CCND3: variants seen among roughly 807,000 people sequenced by gnomAD.
CCND3 encodes G1/S-specific cyclin-D3.
Under a neutral mutation model 28.7 loss-of-function variants are expected in CCND3, and 9 were observed. The ratio of observed to expected loss-of-function variants is 0.31; its 90% CI spans 0.19 to 0.55. The LOEUF is 0.55. CCND3 is among the 20% of genes least tolerant of loss of function. CCND3 has a pLI of 0.93. For synonymous variants in CCND3, 164 were observed against 163.9 expected (o/e 1.00, Z 0.00); for missense variants, 315 against 385.8 (o/e 0.82, Z 1.54).
At chr6:41,990,813 T>TGG (rs1260929045) in intron 1 of CCND3, among the ~76,000 whole-genome samples, 1 of 151,856 alleles carries the variant, frequency 6.6e-6, no homozygotes, top group African/African-American at 2.4e-5. Flanking sequence ...CCAGGGTAGC[T>TGG]GGGACTACAG....
intron 1 of CCND3, among the ~76,000 whole-genome samples, chr6:42,026,251 T>C (rs1464530544): frequency 6.6e-6 from 1 of 152,016 alleles, no homozygotes; most frequent in Non-Finnish European, 1.5e-5. Context: ...CTCTACCTCA[T>C]CAGAGAACAG....
intron 1 of CCND3, among the ~76,000 whole-genome samples, chr6:41,958,239 C>T (rs1472489111): frequency 7.9e-5 from 12 of 152,170 alleles, no homozygotes; most frequent in Middle Eastern, 3.4e-3. Context: ...CCAAGTGATT[C>T]GCCCACCTTG....
chr6:42,002,772 T>G (rs1763051576), intron 1 of CCND3, among the ~76,000 whole-genome samples: 1 of 151,726 alleles, frequency 6.6e-6, no homozygotes, highest in African/African-American at 2.4e-5. Context: ...GACAATGGCG[T>G]GAACCCGGGA....
chr6:41,987,612 C>T (rs957420974), intron 1 of CCND3, among the ~76,000 whole-genome samples: 1 of 150,768 alleles, frequency 6.6e-6, no homozygotes, highest in Non-Finnish European at 1.5e-5. Flanking sequence ...AAGTGATCCT[C>T]CAGCCTCAGT....
At chr6:41,976,155 C>A (rs1041542276) in intron 1 of CCND3, among the ~76,000 whole-genome samples, 1 of 152,196 alleles carries the variant, frequency 6.6e-6, no homozygotes, top group African/African-American at 2.4e-5. Context: ...AGTTAAAGAC[C>A]AGCCTGGCCA....
chr6:42,047,154 A>T (rs1764568350), intron 1 of CCND3, among the ~76,000 whole-genome samples: 1 of 152,126 alleles, frequency 6.6e-6, no homozygotes, highest in Non-Finnish European at 1.5e-5. Context: ...CCGGAAGGAG[A>T]AGATGTTTGG....
intron 1 of CCND3, among the ~76,000 whole-genome samples, chr6:42,015,371 T>G (rs1490155525): frequency 6.6e-6 from 1 of 152,030 alleles, no homozygotes; most frequent in African/African-American, 2.4e-5. Context: ...ATACATTACC[T>G]CATTCAGGTC....
rs916668681 is a variant in CCND3 at position 41,959,254 on chromosome 6, C to T, written c.-45-18669G>A. Among the ~76,000 whole-genome samples, 7 of 152,120 alleles carry T rather than the reference C, an allele frequency of 4.6e-5. No homozygotes were observed. In the East Asian group the frequency reaches 7.8e-4, roughly 17 times the overall value. ...GCTCGAAACCAGGAGGCGGAGGTTG[C>T]GGTGAGCCGAGATTGCCTCATTGCA... On this transcript the variant is annotated intron_variant, in intron 1 of 4. Coordinates refer to the CCND3 transcript ENST00000372988.
chr6:42,003,039 G>C (rs966927213), intron 1 of CCND3, among the ~76,000 whole-genome samples: 3 of 151,600 alleles, frequency 2.0e-5, no homozygotes, highest in Non-Finnish European at 4.4e-5. Flanking sequence ...GCACATGCCT[G>C]TAATCCCAGC....
chr6:41,991,381 T>C (rs1436333330), intron 1 of CCND3, among the ~76,000 whole-genome samples: 1 of 152,234 alleles, frequency 6.6e-6, no homozygotes, highest in Admixed American at 6.5e-5. Flanking sequence ...ATAGCTCAGC[T>C]GATAGCTCAT....
chr6:41,998,287 CAAAA>C (rs70987560), intron 1 of CCND3, among the ~76,000 whole-genome samples: 7 of 118,290 alleles, frequency 5.9e-5, no homozygotes, highest in Admixed American at 2.7e-4. Flanking sequence ...GACTCCACCT[CAAAA>C]AAAAAAAAAA....
chr6:41,989,221 G>A (rs1160830211), intron 1 of CCND3, among the ~76,000 whole-genome samples: 2 of 151,948 alleles, frequency 1.3e-5, no homozygotes, highest in Non-Finnish European at 2.9e-5. Flanking sequence ...GACTTTGGGA[G>A]GCTAAGGCGG....
At chr6:42,005,361 G>C (rs1396757401) in intron 1 of CCND3, among the ~76,000 whole-genome samples, 1 of 151,964 alleles carries the variant, frequency 6.6e-6, no homozygotes, top group Non-Finnish European at 1.5e-5. Context: ...GAGCAGCATG[G>C]TGAAACCCTG....
intron 1 of CCND3, among the ~76,000 whole-genome samples, chr6:41,952,440 C>T (rs1776338957): frequency 6.6e-6 from 1 of 152,206 alleles, no homozygotes; most frequent in South Asian, 2.1e-4. Flanking sequence ...AAAGTGCGTG[C>T]TTGACAGCTA....
chr6:41,975,328 G>C (rs772487380), intron 1 of CCND3, among the ~76,000 whole-genome samples: 1 of 152,232 alleles, frequency 6.6e-6, no homozygotes, highest in South Asian at 2.1e-4. Flanking sequence ...GCCTATGGAG[G>C]TTGGCTCTGT....
chr6:42,024,087 C>T (rs1406599947), intron 1 of CCND3, among the ~76,000 whole-genome samples: 1 of 152,096 alleles, frequency 6.6e-6, no homozygotes, highest in African/African-American at 2.4e-5. Flanking sequence ...CAGATAAGGG[C>T]ACTGAGGCAC....
chr6:42,001,070 T>C (rs1217612731), intron 1 of CCND3, among the ~76,000 whole-genome samples: 1 of 151,342 alleles, frequency 6.6e-6, no homozygotes, highest in Non-Finnish European at 1.5e-5. Flanking sequence ...ACCCCATCTC[T>C]ACTAAAAATA....
rs542377902 is a variant in CCND3, at chr6:41,970,276, T to C, written c.-45-29691A>G. The stretch of plus-strand genomic sequence containing the variant: ...ATCGCTTGAACCCAGGAGGCGGAGG[T>C]TGGAGTGAGCCAAGATCGCGCCACT... On this transcript the variant is annotated intron_variant, in intron 1 of 4. Transcript: ENST00000372988. 2.6e-5 allele frequency among the ~76,000 whole-genome samples: 4 copies of C among 151,944 alleles called. No homozygotes were observed. In the East Asian group the frequency reaches 7.7e-4, roughly 29 times the overall value.
At chr6:42,029,683 C>T (rs1322737204) in intron 1 of CCND3, among the ~76,000 whole-genome samples, 3 of 151,820 alleles carry the variant, frequency 2.0e-5, no homozygotes, top group African/African-American at 7.3e-5. Flanking sequence ...ACTGAAAATA[C>T]AAAATTAGCC....
Sources: gnomAD v4.1 joint callset for allele counts (sites outside exome capture counted in the v4.1 genomes callset) on GRCh38, gnomAD v4.1.1 for gene constraint, MANE v1.5 for transcripts, NCBI Gene and HGNC (gene_info 2026-07-23, HGNC 2026-07-21) for gene names.